NXPH1: variants seen among roughly 807,000 people sequenced by gnomAD.
NXPH1 encodes neurexophilin 1, also known as neurexophilin-1.
A neutral mutation model predicts 23.7 loss-of-function variants in NXPH1; 5 were observed. The observed-to-expected ratio is 0.21, with a 90% CI of 0.11 to 0.44. NXPH1 has a LOEUF of 0.44. Ranked by LOEUF, NXPH1 falls within the 20% of genes least tolerant of loss-of-function variation. The pLI, the probability that NXPH1 is intolerant of heterozygous loss-of-function variation, is 0.99. For missense variants in NXPH1, 324 were observed against 321.6 expected (o/e 1.01, Z -0.06); for synonymous variants, 144 against 122.2 (o/e 1.18, Z -1.18).
intron 2 of NXPH1, among the ~76,000 whole-genome samples, chr7:8,516,351 A>C (rs891392178): frequency 3.9e-5 from 6 of 152,146 alleles, no homozygotes; most frequent in South Asian, 2.1e-4. Flanking sequence ...AGGCAATAGA[A>C]TCATCAATCA....
At chr7:8,708,283 A>G (rs577573623) in intron 2 of NXPH1, among the ~76,000 whole-genome samples, 1 of 152,156 alleles carries the variant, frequency 6.6e-6, no homozygotes, top group South Asian at 2.1e-4. Context: ...AGGTGTTCTA[A>G]ATTTTGTCAT....
At chr7:8,494,287 T>C (rs949126968) in intron 2 of NXPH1, among the ~76,000 whole-genome samples, 3 of 152,094 alleles carry the variant, frequency 2.0e-5, no homozygotes, top group African/African-American at 4.8e-5. Flanking sequence ...TAATTTTCAT[T>C]GACTATACAG....
At chr7:8,451,650 G>A (rs1392413294) in intron 2 of NXPH1, among the ~76,000 whole-genome samples, 4 of 152,220 alleles carry the variant, frequency 2.6e-5, no homozygotes, top group African/African-American at 9.6e-5. Flanking sequence ...CAACTATGGT[G>A]AGAGAATACT....
chr7:8,485,779 C>G (rs894275620), intron 2 of NXPH1, among the ~76,000 whole-genome samples: 1 of 152,108 alleles, frequency 6.6e-6, no homozygotes, highest in Non-Finnish European at 1.5e-5. Flanking sequence ...GCAATAATTA[C>G]AAATTATTTT....
chr7:8,550,079 C>T (rs995395047), intron 2 of NXPH1, among the ~76,000 whole-genome samples: 1 of 151,472 alleles, frequency 6.6e-6, no homozygotes, highest in African/African-American at 2.4e-5. Flanking sequence ...TAGGAGAAAC[C>T]ACCAATAGGT....
intron 2 of NXPH1, among the ~76,000 whole-genome samples, chr7:8,672,061 C>T (rs984025413): frequency 7.2e-5 from 11 of 152,200 alleles, no homozygotes; most frequent in African/African-American, 2.4e-4. Flanking sequence ...CCTGTTCGCT[C>T]TGATGGTAGT....
chr7:8,492,558 AAC>A (rs142797576), intron 2 of NXPH1, among the ~76,000 whole-genome samples: 2,035 of 152,110 alleles, frequency 0.013, 58 homozygotes, highest in African/African-American at 0.046. Flanking sequence ...TGGTGAATAA[AAC>A]ACACATGATT....
At chr7:8,747,566 C>T (rs1218447008) in intron 2 of NXPH1, among the ~76,000 whole-genome samples, 1 of 152,172 alleles carries the variant, frequency 6.6e-6, no homozygotes, top group Non-Finnish European at 1.5e-5. Flanking sequence ...TAAGCCACTA[C>T]TAAATGCATT....
intron 2 of NXPH1, among the ~76,000 whole-genome samples, chr7:8,480,212 A>T (rs1379225332): frequency 6.6e-6 from 1 of 152,070 alleles, no homozygotes; most frequent in Admixed American, 6.6e-5. Flanking sequence ...TAAACTATAC[A>T]TATATTTTCT....
At chr7:8,634,504 T>C (rs187086055) in intron 2 of NXPH1, among the ~76,000 whole-genome samples, 1 of 152,284 alleles carries the variant, frequency 6.6e-6, no homozygotes, top group East Asian at 1.9e-4. Flanking sequence ...TACACCTGGA[T>C]AATGATAAGG....
At chr7:8,709,529 G>A (rs934149451) in intron 2 of NXPH1, among the ~76,000 whole-genome samples, 1 of 152,038 alleles carries the variant, frequency 6.6e-6, no homozygotes, top group African/African-American at 2.4e-5. Context: ...GAGGCACTCT[G>A]GGGGTTACAG....
At chr7:8,625,233 CTT>C (rs1562432778) in intron 2 of NXPH1, among the ~76,000 whole-genome samples, 1 of 152,002 alleles carries the variant, frequency 6.6e-6, no homozygotes, top group East Asian at 1.9e-4. Flanking sequence ...CAAAATGTAA[CTT>C]GACTGAATAG....
chr7:8,476,437 T>C (rs1267113071), intron 2 of NXPH1, among the ~76,000 whole-genome samples: 1 of 152,026 alleles, frequency 6.6e-6, no homozygotes, highest in Non-Finnish European at 1.5e-5. Context: ...CCTCTTACCC[T>C]ATCTGAGTTT....
intron 2 of NXPH1, among the ~76,000 whole-genome samples, chr7:8,559,259 G>C (rs1818405681): frequency 6.6e-6 from 1 of 151,652 alleles, no homozygotes. Context: ...CGCCCTGGTG[G>C]AATCTAATTT....
intron 2 of NXPH1, among the ~76,000 whole-genome samples, chr7:8,471,650 T>C (rs1334244556): frequency 6.6e-6 from 1 of 152,154 alleles, no homozygotes; most frequent in Non-Finnish European, 1.5e-5. Flanking sequence ...GAAATCACTT[T>C]TTACCTTTTT....
At chr7:8,580,170 T>C (rs1040964190) in intron 2 of NXPH1, among the ~76,000 whole-genome samples, 4 of 152,158 alleles carry the variant, frequency 2.6e-5, no homozygotes, top group Non-Finnish European at 5.9e-5. Flanking sequence ...TGACCTTCCA[T>C]GTAAGAGAAC....
intron 2 of NXPH1, among the ~76,000 whole-genome samples, chr7:8,555,597 A>G (rs1019766816): frequency 1.3e-4 from 20 of 151,672 alleles, no homozygotes; most frequent in African/African-American, 4.3e-4. Context: ...GCCAAAGCAC[A>G]CCAGGTTGTA....
intron 2 of NXPH1, among the ~76,000 whole-genome samples, chr7:8,454,723 G>C (rs1266942166): frequency 6.6e-6 from 1 of 151,994 alleles, no homozygotes; most frequent in Non-Finnish European, 1.5e-5. Context: ...CGTAGAGTTA[G>C]AATAAGTCAA....
chr7:8,486,220 C>T (rs1218856022), intron 2 of NXPH1, among the ~76,000 whole-genome samples: 1 of 152,192 alleles, frequency 6.6e-6, no homozygotes, highest in Admixed American at 6.5e-5. Context: ...CCTTCAGCCA[C>T]AGGGAGCAAA....
Sources: gnomAD v4.1 joint callset for allele counts (sites outside exome capture counted in the v4.1 genomes callset) on GRCh38, gnomAD v4.1.1 for gene constraint, MANE v1.5 for transcripts, NCBI Gene and HGNC (gene_info 2026-07-23, HGNC 2026-07-21) for gene names.